NTNG1: variants seen among roughly 807,000 people sequenced by gnomAD.
NTNG1 encodes netrin-G1.
Under a neutral mutation model 54.0 loss-of-function variants are expected in NTNG1, and 16 were observed. The ratio of observed to expected loss-of-function variants is 0.30; its 90% CI spans 0.20 to 0.45. The LOEUF (loss-of-function observed/expected upper bound fraction) is 0.45. Among genes scored for constraint, NTNG1 ranks in the 20% least tolerant of loss-of-function variants. The probability of loss-of-function intolerance (pLI) is 1.00; values close to 1 mark genes in which losing one functional copy is unlikely to be tolerated. For synonymous variants in NTNG1, 255 were observed against 263.1 expected (o/e 0.97, Z 0.30); for missense variants, 530 against 678.7 (o/e 0.78, Z 2.43).
intron 2 of NTNG1, among the ~76,000 whole-genome samples, chr1:107,285,742 T>G (rs1665154310): frequency 6.6e-6 from 1 of 152,104 alleles, no homozygotes; most frequent in Non-Finnish European, 1.5e-5. Context: ...ATTGCACTTA[T>G]TTTAGAAATC....
At chr1:107,357,773 T>C (rs1419770936) in intron 3 of NTNG1, among the ~76,000 whole-genome samples, 2 of 152,226 alleles carry the variant, frequency 1.3e-5, no homozygotes, top group African/African-American at 4.8e-5. Flanking sequence ...CATAACAGGC[T>C]ATCTGGTCCT....
rs1557878514 is a variant in NTNG1 at position 107,297,248 on chromosome 1, C to CATATATATATATATATATAT, written c.247-27034_247-27033insATATATATATATATATATAT. Among the ~76,000 whole-genome samples the CATATATATATATATATATAT allele has an allele frequency of 1.1e-3, 73 of 63,654 alleles. 2 individuals carry two copies. The highest frequency in any genetic ancestry group is 3.4e-3 in the African/African-American group (52 of 15,454). The allele number at this position is 63,654 out of a possible 152,430, so 41.8% of individuals were successfully genotyped here. On this transcript the variant is annotated intron_variant, in intron 2 of 7. Transcript: ENST00000370068. The stretch of plus-strand genomic sequence containing the variant: ...ATATATATATATATATATATATATG[C>CATATATATATATATATATAT]GCACACACACACACACACAGCAGTT...
intron 2 of NTNG1, among the ~76,000 whole-genome samples, chr1:107,245,076 T>A (rs1662103688): frequency 6.6e-6 from 1 of 152,158 alleles, no homozygotes; most frequent in South Asian, 2.1e-4. Context: ...AAAAGACCCA[T>A]AAGTGTTCAT....
intron 2 of NTNG1, among the ~76,000 whole-genome samples, chr1:107,287,586 A>G (rs994900214): frequency 6.6e-6 from 1 of 152,176 alleles, no homozygotes; most frequent in Non-Finnish European, 1.5e-5. Context: ...TGGTCTCTAT[A>G]AAACAAACAA....
intron 2 of NTNG1, among the ~76,000 whole-genome samples, chr1:107,214,691 C>T (rs1193409996): frequency 1.3e-5 from 2 of 151,948 alleles, no homozygotes; most frequent in Non-Finnish European, 2.9e-5. Flanking sequence ...GTTTTTAGTT[C>T]TTTAAGGAAT....
chr1:107,164,789 A>G (rs1655653554), intron 2 of NTNG1, among the ~76,000 whole-genome samples: 1 of 152,202 alleles, frequency 6.6e-6, no homozygotes, highest in African/African-American at 2.4e-5. Context: ...CAGTGCCACA[A>G]AGAAATAGCA....
intron 3 of NTNG1, among the ~76,000 whole-genome samples, chr1:107,384,160 G>C (rs1032602459): frequency 5.3e-5 from 8 of 152,024 alleles, no homozygotes; most frequent in Non-Finnish European, 5.9e-5. Flanking sequence ...AAACTTATAA[G>C]CTCCTATCTT....
chr1:107,230,278 G>A (rs1053662487), intron 2 of NTNG1, among the ~76,000 whole-genome samples: 1 of 152,090 alleles, frequency 6.6e-6, no homozygotes, highest in South Asian at 2.1e-4. Context: ...GTGATGTAAG[G>A]TCCCCACCTG....
At chr1:107,351,948 C>A (rs1257403628) in intron 3 of NTNG1, among the ~76,000 whole-genome samples, 1 of 152,232 alleles carries the variant, frequency 6.6e-6, no homozygotes, top group Non-Finnish European at 1.5e-5. Flanking sequence ...AGTCCAAAAC[C>A]CAACATGGTA....
At chr1:107,179,070 C>G (rs180996079) in intron 2 of NTNG1, among the ~76,000 whole-genome samples, 72 of 152,230 alleles carry the variant, frequency 4.7e-4, no homozygotes, top group Middle Eastern at 3.4e-3. Flanking sequence ...CCCTGCCCTC[C>G]CCACAAAGAG....
Position 107,148,344 on chromosome 1 carries a change from G to T in NTNG1, c.-250G>T. Reference sequence around the variant, plus strand: ...AAAGAAAAAGCTGCAAGTTGTTAACGCCTAACACACAAGTATGTTAGGCTT... The same window carrying T: ...AAAGAAAAAGCTGCAAGTTGTTAACTCCTAACACACAAGTATGTTAGGCTT... On this transcript the variant is annotated 5_prime_UTR_variant, in exon 2 of 8. Transcript: ENST00000370068. The T allele has an allele frequency of 2.3e-6, 1 of 426,560 alleles. No individual in the cohort carries two copies. Among genetic ancestry groups the T allele is most frequent in the Non-Finnish European group, 4.2e-6 (1 of 237,794 alleles). 26.4% of individuals were successfully genotyped at this position (426,560 alleles called of 1,614,324 possible). A position where few individuals can be genotyped will look rare whatever the true frequency, so the allele number is the denominator to read the frequency against.
At chr1:107,450,573 T>A (rs1167151026) in intron 7 of NTNG1, among the ~76,000 whole-genome samples, 1 of 151,930 alleles carries the variant, frequency 6.6e-6, no homozygotes, top group Non-Finnish European at 1.5e-5. Flanking sequence ...TAATCATGGC[T>A]CCTTCCCGGA....
Position 107,288,819 on chromosome 1 carries a change from C to T in NTNG1, c.247-35463C>T, listed in dbSNP as rs568189534. Among the ~76,000 whole-genome samples the T allele has an allele frequency of 1.1e-4, 16 of 152,220 alleles. No homozygotes were observed. The South Asian group carries it at 2.5e-3, about 24-fold the overall frequency. On this transcript the variant is annotated intron_variant, in intron 2 of 7. Coordinates refer to ENST00000370068, the MANE Select transcript of NTNG1 (RefSeq NM_001113226.3). ...GTATTTTGTTCAAAGGTTACATATT[C>T]AATCTCATTGGATGAAAGTTGAAGT...
intron 3 of NTNG1, among the ~76,000 whole-genome samples, chr1:107,331,514 C>T (rs576104630): frequency 3.1e-4 from 47 of 152,142 alleles, no homozygotes; most frequent in African/African-American, 1.1e-3. Context: ...ATGATAGCTT[C>T]TTATTTTTCC....
intron 3 of NTNG1, among the ~76,000 whole-genome samples, chr1:107,360,410 G>A (rs1187506897): frequency 6.6e-6 from 1 of 152,092 alleles, no homozygotes. Context: ...AACAGTGAGT[G>A]TAAAGACCCT....
chr1:107,291,347 A>C (rs1665589604), intron 2 of NTNG1, among the ~76,000 whole-genome samples: 1 of 152,168 alleles, frequency 6.6e-6, no homozygotes, highest in Non-Finnish European at 1.5e-5. Context: ...TTTATCAGTA[A>C]GTCTTTTGGT....
rs540845095 is a variant in NTNG1 at position 107,208,469 on chromosome 1, A to C, written c.246+59630A>C. On this transcript the variant is annotated intron_variant, in intron 2 of 7. Coordinates refer to ENST00000370068, the MANE Select transcript of NTNG1 (RefSeq NM_001113226.3). ...AGAAAGAAAGAAAGAAAGAAAAGAA[A>C]TGGAGGGAATACTTCTTTGCTTGCT... 2.0e-5 allele frequency among the ~76,000 whole-genome samples: 3 copies of C among 151,978 alleles called. No homozygotes were observed. In the South Asian group the frequency reaches 6.2e-4, roughly 32 times the overall value.
intron 3 of NTNG1, among the ~76,000 whole-genome samples, chr1:107,348,202 T>C (rs1406636084): frequency 6.6e-6 from 1 of 152,114 alleles, no homozygotes; most frequent in African/African-American, 2.4e-5. Context: ...CTTGGCTCAC[T>C]GTGAACTCCA....
In NTNG1 at chr1:107,324,859, T is replaced by C. The variant is rs763891284; in HGVS notation, c.824T>C (p.Phe275Ser). 5.0e-6 allele frequency: 8 copies of C among 1,613,526 alleles called. No homozygotes were observed. The highest frequency in any genetic ancestry group is 5.9e-6 in the Non-Finnish European group (7 of 1,179,694). ...RLLRPAVGEI[F>S]VDELHLARYF... Reference sequence around the variant, plus strand: ...TTAAGACCAGCCGTTGGGGAAATATTTGTAGATGAGCTACACTTGGCACGC... The same window carrying C: ...TTAAGACCAGCCGTTGGGGAAATATCTGTAGATGAGCTACACTTGGCACGC... Residue 275 changes from phenylalanine (F) to serine (S), a missense_variant, in exon 3 of 8, where the codon TTT becomes TCT. Phe to Ser is a radical substitution (Grantham distance 155, BLOSUM62 -2). This residue lies in a region of NTNG1 where 318 missense variants were observed against 465.1 expected (regional missense o/e 0.68). Coordinates refer to ENST00000370068, the MANE Select transcript of NTNG1 (RefSeq NM_001113226.3).
Sources: allele counts gnomAD v4.1 joint callset (sites outside exome capture counted in the v4.1 genomes callset), GRCh38; gene constraint gnomAD v4.1.1; regional missense constraint gnomAD v4.1.1; transcripts MANE v1.5; gene names NCBI Gene and HGNC (gene_info 2026-07-23, HGNC 2026-07-21).